ATG10: variants seen among roughly 807,000 people sequenced by gnomAD.
ATG10 encodes ubiquitin-like-conjugating enzyme ATG10.
A neutral mutation model predicts 32.1 loss-of-function variants in ATG10; 30 were observed. The ratio of observed to expected loss-of-function variants is 0.94; its 90% CI spans 0.70 to 1.27. The LOEUF (loss-of-function observed/expected upper bound fraction) is 1.27, where lower values mean the gene tolerates loss of function less well. Among genes scored for constraint, ATG10 ranks in the 50% most tolerant of loss-of-function variants. The probability of loss-of-function intolerance (pLI) is 0.00; values close to 1 mark genes in which losing one functional copy is unlikely to be tolerated. For missense variants in ATG10, 233 were observed against 262.3 expected, an observed-to-expected ratio of 0.89 and a Z score of 0.77; for synonymous variants, 87 against 91.5, an observed-to-expected ratio of 0.95 and a Z score of 0.28.
At chr5:82,248,561 C>T (rs1747124070) in intron 5 of ATG10, among the ~76,000 whole-genome samples, 1 of 152,166 alleles carries the variant, frequency 6.6e-6, no homozygotes, top group Non-Finnish European at 1.5e-5. Flanking sequence ...AAACACGTCT[C>T]AGATTTTATA....
chr5:82,240,919 G>T (rs1242043406), intron 5 of ATG10, among the ~76,000 whole-genome samples: 2 of 148,632 alleles, frequency 1.3e-5, no homozygotes, highest in African/African-American at 4.9e-5. Context: ...AATCTGGAAA[G>T]AAAAAAAAAA....
At position 82,206,620 on chromosome 5, in the gene ATG10, A is replaced by T. The variant is rs371158033; in HGVS notation, c.453+28033A>T. Among the ~76,000 whole-genome samples, 7 of 151,940 alleles carry T rather than the reference A, an allele frequency of 4.6e-5. No individual in the cohort carries two copies. The East Asian group carries it at 1.4e-3, about 29-fold the overall frequency. The stretch of plus-strand genomic sequence containing the variant: ...AGCCGAGATCGCACCACTGCACTCC[A>T]GCCTGGGCGACAGAGCGAGACTCCA... On this transcript the variant is annotated intron_variant, in intron 5 of 7. Coordinates refer to ENST00000282185, the MANE Select transcript of ATG10 (RefSeq NM_031482.5).
intron 3 of ATG10, among the ~76,000 whole-genome samples, chr5:82,125,525 T>C (rs958964119): frequency 1.3e-5 from 2 of 152,208 alleles, no homozygotes; most frequent in Admixed American, 1.3e-4. Context: ...ATTTATGAAA[T>C]AGGAAATGTT....
At chr5:82,241,405 G>A (rs1318529509) in intron 5 of ATG10, among the ~76,000 whole-genome samples, 1 of 151,864 alleles carries the variant, frequency 6.6e-6, no homozygotes, top group East Asian at 1.9e-4. Context: ...TCACTTTTTT[G>A]TTCAGAATCT....
chr5:82,022,057 C>T (rs1226928747), intron 2 of ATG10, among the ~76,000 whole-genome samples: 2 of 147,594 alleles, frequency 1.4e-5, no homozygotes, highest in African/African-American at 5.0e-5. Context: ...GGCGTGGTGG[C>T]GCATGCCTGT....
chr5:82,061,150 G>GTAAGAGCAGAAGATTT (rs1476433606), intron 3 of ATG10, among the ~76,000 whole-genome samples: 1 of 151,958 alleles, frequency 6.6e-6, no homozygotes, highest in Non-Finnish European at 1.5e-5. Context: ...TTTTTCCCAG[G>GTAAGAGCAGAAGATTT]TAAGAGCAGA....
chr5:82,127,966 T>C (rs900533540), intron 3 of ATG10, among the ~76,000 whole-genome samples: 8 of 152,274 alleles, frequency 5.3e-5, no homozygotes, highest in African/African-American at 1.7e-4. Flanking sequence ...TAGGTGGTCC[T>C]GTATTGGGTG....
intron 5 of ATG10, among the ~76,000 whole-genome samples, chr5:82,202,022 G>T (rs1160231240): frequency 1.3e-5 from 2 of 152,180 alleles, no homozygotes; most frequent in Non-Finnish European, 2.9e-5. Context: ...AGTTCTAGGA[G>T]CTTTGTTATA....
intron 4 of ATG10, among the ~76,000 whole-genome samples, chr5:82,172,646 T>C (rs1743850757): frequency 1.3e-5 from 2 of 152,194 alleles, no homozygotes; most frequent in Admixed American, 1.3e-4. Context: ...GGACTTAAAC[T>C]CTATAGCCCA....
At chr5:82,030,290 A>G (rs1733817977) in intron 2 of ATG10, among the ~76,000 whole-genome samples, 1 of 152,194 alleles carries the variant, frequency 6.6e-6, no homozygotes, top group Admixed American at 6.6e-5. Flanking sequence ...GTGCTTAAGA[A>G]TATGGTAGCC....
intron 5 of ATG10, among the ~76,000 whole-genome samples, chr5:82,248,221 A>G (rs1291481058): frequency 6.6e-6 from 1 of 152,206 alleles, no homozygotes; most frequent in African/African-American, 2.4e-5. Flanking sequence ...TCCCCATTAA[A>G]TTACTGGTAG....
intron 3 of ATG10, among the ~76,000 whole-genome samples, chr5:82,153,745 T>C (rs1767699383): frequency 6.6e-6 from 1 of 152,186 alleles, no homozygotes; most frequent in Admixed American, 6.6e-5. Flanking sequence ...CTGTGCATTT[T>C]CTCTAATAGT....
chr5:82,091,379 C>CT lies in ATG10; in HGVS notation c.216+32785dup, dbSNP rs535670575. ...GCCACCATGCCTGACTTATTTCTGCCTTTTTTTTAGCTTTTTTCCTCTCCA... is the reference window on the plus strand; with the variant it reads ...GCCACCATGCCTGACTTATTTCTGCCTTTTTTTTTAGCTTTTTTCCTCTCCA... On this transcript the variant is annotated intron_variant, in intron 3 of 7. Transcript: ENST00000282185. 5.6e-3 allele frequency among the ~76,000 whole-genome samples: 854 copies of CT among 151,816 alleles called. 7 individuals are homozygous for CT. The highest frequency in any genetic ancestry group is 0.018 in the African/African-American group (761 of 41,402).
intron 2 of ATG10, among the ~76,000 whole-genome samples, chr5:82,030,150 T>C (rs7703699): frequency 0.99 from 149,882 of 152,158 alleles, 73,852 homozygotes; most frequent in Middle Eastern, 1. Flanking sequence ...GTAGGGCCTC[T>C]TCACGGACTG....
chr5:82,035,110 C>T (rs918490602), intron 2 of ATG10, among the ~76,000 whole-genome samples: 1 of 152,044 alleles, frequency 6.6e-6, no homozygotes, highest in Admixed American at 6.6e-5. Flanking sequence ...CAGGGTTTCA[C>T]CATGTTGGCC....
chr5:82,210,021 A>G (rs1437859871), intron 5 of ATG10, among the ~76,000 whole-genome samples: 1 of 152,150 alleles, frequency 6.6e-6, no homozygotes, highest in East Asian at 1.9e-4. Context: ...TATTTAGTAA[A>G]TTTTAAAAAT....
intron 5 of ATG10, among the ~76,000 whole-genome samples, chr5:82,191,046 T>C (rs1744644293): frequency 6.6e-6 from 1 of 152,216 alleles, no homozygotes; most frequent in Non-Finnish European, 1.5e-5. Context: ...TCAGAAAAGA[T>C]GTACTAATTC....
At chr5:82,177,620 T>G (rs550145465) in intron 4 of ATG10, among the ~76,000 whole-genome samples, 2 of 152,162 alleles carry the variant, frequency 1.3e-5, no homozygotes, top group South Asian at 4.1e-4. Flanking sequence ...TTTAGGTGAC[T>G]TCTTCTTTCT....
At position 82,254,899 on chromosome 5, in the gene ATG10, A is replaced by AGAGTGTGTGTGT. The variant is rs142715120; in HGVS notation, c.*837_*838insAGTGTGTGTGTG. On this transcript the variant is annotated 3_prime_UTR_variant, in exon 8 of 8. Transcript: ENST00000282185. The stretch of plus-strand genomic sequence containing the variant: ...AAAAGAGAGAGAGAGAGTGAGTGTG[A>AGAGTGTGTGTGT]GTGTGTGTGTGTGTGTGTGTGTATG... 2.0e-5 allele frequency: 3 copies of AGAGTGTGTGTGT among 149,644 alleles called. No individual in the cohort carries two copies. The highest frequency in any genetic ancestry group is 2.1e-4 in the South Asian group (1 of 4,668). 9.3% of individuals were successfully genotyped at this position (149,644 alleles called of 1,614,324 possible). A position where few individuals can be genotyped will look rare whatever the true frequency, so the allele number is the denominator to read the frequency against.
Sources: gnomAD v4.1 joint callset for allele counts (sites outside exome capture counted in the v4.1 genomes callset) on GRCh38, gnomAD v4.1.1 for gene constraint, MANE v1.5 for transcripts, NCBI Gene and HGNC (gene_info 2026-07-23, HGNC 2026-07-21) for gene names.